The following EFR3A variants were observed in gnomAD, a reference collection of about 807,000 sequenced individuals.
The protein encoded by EFR3A is EFR3 homolog A, also known as protein EFR3 homolog A.
A neutral mutation model predicts 104.4 loss-of-function variants in EFR3A; 76 were observed. That is an observed-to-expected ratio of 0.73 (90% confidence interval 0.60 to 0.88). EFR3A has a LOEUF of 0.88. Among genes scored for constraint, EFR3A ranks in the 40% least tolerant of loss-of-function variants. EFR3A has a pLI of 0.00. For missense variants in EFR3A, 985 were observed against 1,012.5 expected (o/e 0.97, Z 0.37); for synonymous variants, 330 against 330.0 (o/e 1.00, Z 0.00).
In EFR3A at chr8:131,947,026, G is replaced by T. The variant is rs1036815716; in HGVS notation, c.366+393G>T. ...AGATTTGTGTACAGGTTTTTGTGTGGATGTATGTTTTTCATTCTCTTGGGT... is the reference window on the plus strand; with the variant it reads ...AGATTTGTGTACAGGTTTTTGTGTGTATGTATGTTTTTCATTCTCTTGGGT... On this transcript the variant is annotated intron_variant, in intron 4 of 22. Transcript: ENST00000254624. Among the ~76,000 whole-genome samples the T allele has an allele frequency of 7.2e-5, 11 of 152,036 alleles. No individual in the cohort carries two copies. The East Asian group carries it at 2.1e-3, about 29-fold the overall frequency.
At chr8:132,000,181 T>G (rs1475829514) in intron 19 of EFR3A, among the ~76,000 whole-genome samples, 2 of 152,126 alleles carry the variant, frequency 1.3e-5, no homozygotes, top group Non-Finnish European at 2.9e-5. Context: ...CAGGCTGGAG[T>G]GCAGTGGCGC....
intron 19 of EFR3A, among the ~76,000 whole-genome samples, chr8:131,997,720 T>C (rs1032402180): frequency 6.6e-6 from 1 of 152,054 alleles, no homozygotes; most frequent in Non-Finnish European, 1.5e-5. Flanking sequence ...ACTATTACCT[T>C]TCTAGGGAAG....
chr8:132,008,904 G>GATT (rs1371644814), intron 22 of EFR3A, among the ~76,000 whole-genome samples: 1 of 144,874 alleles, frequency 6.9e-6, no homozygotes, highest in African/African-American at 2.5e-5. Flanking sequence ...ATTGGGCTGT[G>GATT]ATTTACATGG....
At chr8:131,926,593 C>A (rs1310192367) in intron 1 of EFR3A, among the ~76,000 whole-genome samples, 1 of 151,844 alleles carries the variant, frequency 6.6e-6, no homozygotes. Context: ...AGGAAACACA[C>A]CTGTAAGTTG....
chr8:132,002,806 A>G (rs189543808), intron 21 of EFR3A, 100 bp downstream of exon 21: 81 of 921,632 alleles, frequency 8.8e-5, no homozygotes, highest in African/African-American at 1.5e-4. Context: ...AGTCAAATCA[A>G]CGGAACACAG....
intron 19 of EFR3A, among the ~76,000 whole-genome samples, chr8:132,000,508 G>A (rs551532246): frequency 6.6e-6 from 1 of 152,128 alleles, no homozygotes; most frequent in Admixed American, 6.5e-5. Context: ...TGAAGAGTTA[G>A]TAGGGTAAGG....
intron 8 of EFR3A, among the ~76,000 whole-genome samples, chr8:131,961,100 C>G (rs1163267332): frequency 6.6e-6 from 1 of 152,122 alleles, no homozygotes; most frequent in Non-Finnish European, 1.5e-5. Flanking sequence ...GATAAAACCA[C>G]AAAGATGGGG....
At chr8:131,975,228 G>T (rs1820262995) in intron 10 of EFR3A, among the ~76,000 whole-genome samples, 1 of 151,952 alleles carries the variant, frequency 6.6e-6, no homozygotes, top group South Asian at 2.1e-4. Context: ...TATAAACTTG[G>T]CTTATTACAA....
At chr8:131,940,614 A>T (rs770851478) in intron 2 of EFR3A, 39 bp downstream of exon 2, 2 of 1,576,860 alleles carry the variant, frequency 1.3e-6, no homozygotes. Flanking sequence ...CTCTTTGCTG[A>T]CCCATTCTGC....
intron 1 of EFR3A, among the ~76,000 whole-genome samples, chr8:131,928,999 G>T (rs1377419765): frequency 6.6e-6 from 1 of 152,032 alleles, no homozygotes; most frequent in Non-Finnish European, 1.5e-5. Flanking sequence ...GATTCTCTAA[G>T]TCTCCTATTT....
chr8:131,987,354 G>A (rs1195333487), intron 17 of EFR3A, among the ~76,000 whole-genome samples: 11 of 152,146 alleles, frequency 7.2e-5, no homozygotes, highest in Non-Finnish European at 1.6e-4. Context: ...GTTACTGAGA[G>A]AAGAATCACT....
chr8:131,926,908 T>C (rs1817327612), intron 1 of EFR3A, among the ~76,000 whole-genome samples: 1 of 152,216 alleles, frequency 6.6e-6, no homozygotes, highest in Non-Finnish European at 1.5e-5. Context: ...AAATGATTAA[T>C]ATTTTAGTCT....
intron 18 of EFR3A, among the ~76,000 whole-genome samples, chr8:131,993,351 G>A (rs909037533): frequency 5.3e-5 from 8 of 152,114 alleles, no homozygotes; most frequent in African/African-American, 1.7e-4. Context: ...TACTCATACT[G>A]TATTGGCCAG....
At chr8:131,975,763 G>C (rs1457410801) in intron 10 of EFR3A, among the ~76,000 whole-genome samples, 1 of 151,798 alleles carries the variant, frequency 6.6e-6, no homozygotes, top group South Asian at 2.1e-4. Flanking sequence ...GTCAGTCCCG[G>C]TTTGTCACTG....
intron 20 of EFR3A, 104 bp from the exon 21 acceptor site, chr8:132,002,499 T>C: frequency 1.2e-6 from 1 of 820,410 alleles, no homozygotes; most frequent in Non-Finnish European, 1.9e-6. Context: ...CCCTGTAAAT[T>C]GCCCTTAATT....
chr8:131,942,165 G>A (rs923681437), intron 2 of EFR3A, among the ~76,000 whole-genome samples: 1 of 151,832 alleles, frequency 6.6e-6, no homozygotes, highest in Non-Finnish European at 1.5e-5. Flanking sequence ...AATGACCATA[G>A]GTAAATTAGA....
intron 18 of EFR3A, among the ~76,000 whole-genome samples, chr8:131,995,301 T>G (rs1362196950): frequency 1.3e-5 from 2 of 152,154 alleles, no homozygotes; most frequent in African/African-American, 2.4e-5. Context: ...AGTGACTTCC[T>G]TTTTTCGACT....
At chr8:131,928,504 T>C (rs1229062889) in intron 1 of EFR3A, among the ~76,000 whole-genome samples, 1 of 152,128 alleles carries the variant, frequency 6.6e-6, no homozygotes, top group East Asian at 1.9e-4. Context: ...AAAAGCTGAT[T>C]AAAGTAGCAA....
At chr8:131,979,771 T>C in intron 14 of EFR3A, among the ~76,000 whole-genome samples, 1 of 152,140 alleles carries the variant, frequency 6.6e-6, no homozygotes, top group East Asian at 1.9e-4. Context: ...TTTCTGAAAA[T>C]AGCTATCACC....
Sources: gnomAD v4.1 joint callset for allele counts (sites outside exome capture counted in the v4.1 genomes callset) on GRCh38, gnomAD v4.1.1 for gene constraint, MANE v1.5 for transcripts, NCBI Gene and HGNC (gene_info 2026-07-23, HGNC 2026-07-21) for gene names.